LEPR: variants seen among roughly 807,000 people sequenced by gnomAD.
The protein encoded by LEPR is leptin receptor.
Under a neutral mutation model 114.7 loss-of-function variants are expected in LEPR, and 56 were observed. The observed-to-expected ratio is 0.49, with a 90% confidence interval of 0.39 to 0.61. The LOEUF (loss-of-function observed/expected upper bound fraction) is 0.61. Among genes scored for constraint, LEPR ranks in the 20% least tolerant of loss-of-function variants. The pLI is 0.00. For synonymous variants in LEPR, 443 were observed against 461.4 expected (o/e 0.96, Z 0.51); for missense variants, 1,202 against 1,352.9 (o/e 0.89, Z 1.75).
chr1:65,499,511 G>A (rs1648333836), intron 2 of LEPR, among the ~76,000 whole-genome samples: 2 of 152,102 alleles, frequency 1.3e-5, no homozygotes, highest in African/African-American at 4.8e-5. Context: ...TATTAGATAT[G>A]TGAATTCCGG....
chr1:65,569,631 C>T (rs998905527), intron 3 of LEPR, among the ~76,000 whole-genome samples: 3 of 148,452 alleles, frequency 2.0e-5, no homozygotes, highest in Non-Finnish European at 4.4e-5. Context: ...TGCTTGAACC[C>T]GGGAAGCAGA....
At chr1:65,614,820 A>G (rs1327677949) in intron 14 of LEPR, among the ~76,000 whole-genome samples, 2 of 152,222 alleles carry the variant, frequency 1.3e-5, no homozygotes, top group Non-Finnish European at 2.9e-5. Flanking sequence ...AATGACATCC[A>G]GTAGTAAGAC....
At chr1:65,626,818 A>G (rs918434577) in intron 19 of LEPR, among the ~76,000 whole-genome samples, 1 of 151,898 alleles carries the variant, frequency 6.6e-6, no homozygotes, top group African/African-American at 2.4e-5. Context: ...TAATTTTTGT[A>G]GATATGGGGT....
intron 2 of LEPR, among the ~76,000 whole-genome samples, chr1:65,516,695 AAC>A (rs1398286137): frequency 6.6e-6 from 1 of 152,252 alleles, no homozygotes; most frequent in East Asian, 1.9e-4. Flanking sequence ...CAGCTAATGC[AAC>A]TCAGTGCGTA....
intron 1 of LEPR, among the ~76,000 whole-genome samples, chr1:65,425,024 ATTTGGGACCT>A (rs1284778387): frequency 6.6e-6 from 1 of 152,226 alleles, no homozygotes; most frequent in Non-Finnish European, 1.5e-5. Flanking sequence ...ATTTGCTTGA[ATTTGGGACCT>A]TTTTTTCTTT....
chr1:65,437,783 G>A (rs1053721169), intron 2 of LEPR, among the ~76,000 whole-genome samples: 2 of 151,982 alleles, frequency 1.3e-5, no homozygotes, highest in Admixed American at 1.3e-4. Context: ...AGATAGGGTG[G>A]CCATGAAAGC....
chr1:65,487,990 ATCTT>A (rs1170483670), intron 2 of LEPR, among the ~76,000 whole-genome samples: 267 of 81,402 alleles, frequency 3.3e-3, no homozygotes, highest in African/African-American at 0.012. Flanking sequence ...TCTTTCTTTC[ATCTT>A]TCTTTCTTCT....
At chr1:65,433,381 ATCCTGTAATCACAGTTT>A in intron 2 of LEPR, 1 of 985,430 alleles carries the variant, frequency 1.0e-6, no homozygotes, top group Non-Finnish European at 1.2e-6. Context: ...GTCATGTTGG[ATCCTGTAATCACAGTTT>A]TCCCTGCTCA....
At chr1:65,572,908 A>G (rs539063620) in intron 5 of LEPR, among the ~76,000 whole-genome samples, 3 of 152,156 alleles carry the variant, frequency 2.0e-5, no homozygotes, top group Non-Finnish European at 2.9e-5. Context: ...AGCTGCTCCT[A>G]TGCACAGCTG....
chr1:65,592,830 A>G lies in LEPR; in HGVS notation c.668A>G (p.Gln223Arg), dbSNP rs1137101. 0.47 allele frequency: 756,985 copies of G among 1,612,512 alleles called. 183,943 individuals are homozygous for G. Among genetic ancestry groups the G allele is most frequent in the East Asian group, 0.87 (39,195 of 44,844 alleles). The change falls in exon 6 of 20, where the codon CAG (glutamine) becomes CGG (arginine). Residue 223 changes from glutamine to arginine, a missense_variant. Coordinates refer to ENST00000349533, the MANE Select transcript of LEPR (RefSeq NM_002303.6). Reference protein sequence around the residue: ...LKITSGGVIFQSPLMSVQPIN... With the variant: ...LKITSGGVIFRSPLMSVQPIN... ...ATCACATCTGGTGGAGTAATTTTCC[A>G]GTCACCTCTAATGTCAGTTCAGCCC...
At chr1:65,451,416 A>G (rs990677910) in intron 2 of LEPR, among the ~76,000 whole-genome samples, 2 of 151,946 alleles carry the variant, frequency 1.3e-5, no homozygotes, top group Admixed American at 6.5e-5. Context: ...TTTAGGTCTA[A>G]TGTTTAAGTC....
intron 2 of LEPR, among the ~76,000 whole-genome samples, chr1:65,556,038 T>G (rs1652793024): frequency 6.6e-6 from 1 of 152,168 alleles, no homozygotes; most frequent in African/African-American, 2.4e-5. Context: ...TGCAATAGCA[T>G]TAAGAGGTGG....
chr1:65,559,934 T>C (rs1354067647), intron 2 of LEPR, among the ~76,000 whole-genome samples: 2 of 145,074 alleles, frequency 1.4e-5, no homozygotes, highest in African/African-American at 5.1e-5. Flanking sequence ...ACCAGTACCA[T>C]GCTGTTTTGG....
chr1:65,640,356 G>A lies in LEPR; in HGVS notation c.*3341G>A, dbSNP rs1237352802. ...TTTTCTGTGACCTTAAAAGAAATTTGTTTCACTTTTCATCTTTCAAGGGTC... is the reference window on the plus strand; with the variant it reads ...TTTTCTGTGACCTTAAAAGAAATTTATTTCACTTTTCATCTTTCAAGGGTC... On this transcript the variant is annotated 3_prime_UTR_variant, in exon 20 of 20. Coordinates refer to ENST00000349533, the MANE Select transcript of LEPR (RefSeq NM_002303.6). The A allele has an allele frequency of 1.3e-5, 2 of 152,070 alleles. No individual in the cohort carries two copies. The highest frequency in any genetic ancestry group is 2.9e-5 in the Non-Finnish European group (2 of 68,000). The allele number at this position is 152,070 out of a possible 1,614,324, so 9.4% of individuals were successfully genotyped here. A position where few individuals can be genotyped will look rare whatever the true frequency, so the allele number is the denominator to read the frequency against.
At chr1:65,543,866 G>A (rs1651429848) in intron 2 of LEPR, among the ~76,000 whole-genome samples, 2 of 151,948 alleles carry the variant, frequency 1.3e-5, no homozygotes. Flanking sequence ...CTTGGTTACT[G>A]TAGCCTTGTA....
At chr1:65,472,615 GACACACACACAC>G (rs77182938) in intron 2 of LEPR, among the ~76,000 whole-genome samples, 112 of 137,140 alleles carry the variant, frequency 8.2e-4, no homozygotes, top group Middle Eastern at 3.8e-3. Context: ...TATATATATA[GACACACACACAC>G]ACACACACAC....
intron 19 of LEPR, among the ~76,000 whole-genome samples, chr1:65,625,299 C>T (rs1369659933): frequency 6.6e-6 from 1 of 152,052 alleles, no homozygotes; most frequent in South Asian, 2.1e-4. Context: ...AGCTTGTCTC[C>T]TTTTGCCTCT....
In LEPR at chr1:65,598,808, G is replaced by C; in HGVS notation, c.994+4G>C. The C allele has an allele frequency of 6.2e-7, 1 of 1,613,118 alleles. No homozygotes were observed. Among genetic ancestry groups the C allele is most frequent in the African/African-American group, 1.3e-5 (1 of 74,996 alleles). ...CCTCGTGTCTTTACCACACAAGGTA[G>C]GTTATGTAATAGCCACTTCTACTGG... On this transcript the variant is annotated splice_donor_region_variant and intron_variant, in intron 8 of 19. Coordinates refer to ENST00000349533, the MANE Select transcript of LEPR (RefSeq NM_002303.6).
rs767975832 is a variant in LEPR, at chr1:65,633,197, C to T, written c.2674-2994C>T. ...TCTAATCATGATCACTACAGATGAA[C>T]CCAATGTGCCAACTTCCCAACAGTC... On this transcript the variant is annotated intron_variant, in intron 19 of 19. Transcript: ENST00000349533. The surrounding 1 kb of genome is among the most constrained non-coding windows in gnomAD (Gnocchi z 4.1). The T allele has an allele frequency of 1.7e-5, 27 of 1,609,244 alleles. No homozygotes were observed. Among genetic ancestry groups the T allele is most frequent in the Non-Finnish European group, 2.2e-5 (26 of 1,177,480 alleles).
Sources: allele counts gnomAD v4.1 joint callset (sites outside exome capture counted in the v4.1 genomes callset), GRCh38; gene constraint gnomAD v4.1.1; non-coding constraint Gnocchi (gnomAD v3.1); transcripts MANE v1.5; gene names NCBI Gene and HGNC (gene_info 2026-07-23, HGNC 2026-07-21).